Variants in SRPK1 observed in about 807,000 individuals in gnomAD.
SRPK1 encodes SRSF protein kinase 1.
Under a neutral mutation model 89.5 loss-of-function variants are expected in SRPK1, and 52 were observed. The observed-to-expected ratio is 0.58, with a 90% CI of 0.46 to 0.73. The LOEUF (loss-of-function observed/expected upper bound fraction) is 0.73. Ranked by LOEUF, SRPK1 falls within the 30% of genes least tolerant of loss-of-function variation. The probability of loss-of-function intolerance (pLI) is 0.00; values close to 1 mark genes in which losing one functional copy is unlikely to be tolerated. For synonymous variants in SRPK1, 255 were observed against 270.2 expected, an observed-to-expected ratio of 0.94 and a Z score of 0.55; for missense variants, 603 against 780.6, an observed-to-expected ratio of 0.77 and a Z score of 2.71.
At chr6:35,911,158 G>A (rs1355729029) in intron 2 of SRPK1, among the ~76,000 whole-genome samples, 1 of 152,190 alleles carries the variant, frequency 6.6e-6, no homozygotes, top group Non-Finnish European at 1.5e-5. Context: ...AAAACCTTCT[G>A]GAAAGGATTC....
Position 35,885,041 on chromosome 6 carries a change from C to T in SRPK1, c.478+1683G>A, listed in dbSNP as rs148364745. On this transcript the variant is annotated intron_variant, in intron 6 of 15. Coordinates refer to ENST00000373825, the MANE Select transcript of SRPK1 (RefSeq NM_003137.5). ...TAAGATATTTCAATAGTTAAAAAGC[C>T]TTCTTTGCTTAGTTAGGGTCAAATA... 8.2e-4 allele frequency among the ~76,000 whole-genome samples: 125 copies of T among 152,118 alleles called. 2 individuals carry two copies. The East Asian group carries it at 0.022, about 26-fold the overall frequency.
rs35051574 is a variant in SRPK1, at chr6:35,844,005, G to GTT, written c.1621-1403_1621-1402dup. Reference sequence around the variant, plus strand: ...TTTTAAAAATTAGTACACAACAGCAGTTTTTTTTTTTTTTTTTTGGATGGA... The same window carrying GTT: ...TTTTAAAAATTAGTACACAACAGCAGTTTTTTTTTTTTTTTTTTTTGGATGGA... On this transcript the variant is annotated intron_variant, in intron 13 of 15. Transcript: ENST00000373825. 3.3e-3 allele frequency among the ~76,000 whole-genome samples: 420 copies of GTT among 125,670 alleles called. 6 individuals are homozygous for GTT. Among genetic ancestry groups the GTT allele is most frequent in the African/African-American group, 5.9e-3 (197 of 33,354 alleles). The allele number at this position is 125,670 out of a possible 152,430, so 82.4% of individuals were successfully genotyped here.
chr6:35,875,703 C>T (rs967610680), intron 6 of SRPK1, among the ~76,000 whole-genome samples: 1 of 152,068 alleles, frequency 6.6e-6, no homozygotes, highest in African/African-American at 2.4e-5. Flanking sequence ...CTATAGTATA[C>T]TATTACTGAT....
At chr6:35,883,982 C>G (rs1770351958) in intron 6 of SRPK1, among the ~76,000 whole-genome samples, 1 of 152,020 alleles carries the variant, frequency 6.6e-6, no homozygotes, top group South Asian at 2.1e-4. Flanking sequence ...ATCCGCCCAC[C>G]TCGGCCTCCC....
At chr6:35,868,336 A>G (rs1038116455) in intron 12 of SRPK1, among the ~76,000 whole-genome samples, 3 of 152,228 alleles carry the variant, frequency 2.0e-5, no homozygotes, top group African/African-American at 7.2e-5. Context: ...CAAAAAACAT[A>G]TAATTATTTC....
Position 35,834,817 on chromosome 6 carries a change from C to G in SRPK1, c.*487G>C, listed in dbSNP as rs985045487. 1 of 152,286 alleles carries G rather than the reference C, an allele frequency of 6.6e-6. No homozygotes were observed. Among genetic ancestry groups the G allele is most frequent in the African/African-American group, 2.4e-5 (1 of 41,410 alleles). The allele number at this position is 152,286 out of a possible 1,614,324, so 9.4% of individuals were successfully genotyped here. A position where few individuals can be genotyped will look rare whatever the true frequency, so the allele number is the denominator to read the frequency against. On this transcript the variant is annotated 3_prime_UTR_variant, in exon 16 of 16. Coordinates refer to ENST00000373825, the MANE Select transcript of SRPK1 (RefSeq NM_003137.5). ...GAACACAGAGAACAACAGAAACAGTCCAGGAAGATGATGCAGCCCGGACAC... is the reference window on the plus strand; with the variant it reads ...GAACACAGAGAACAACAGAAACAGTGCAGGAAGATGATGCAGCCCGGACAC...
chr6:35,909,890 CTG>C (rs1358654895), intron 2 of SRPK1, among the ~76,000 whole-genome samples: 1 of 152,206 alleles, frequency 6.6e-6, no homozygotes, highest in Admixed American at 6.5e-5. Flanking sequence ...GCCTGTGGAA[CTG>C]TGAGTCAATT....
At chr6:35,912,381 C>T (rs140932802) in intron 2 of SRPK1, among the ~76,000 whole-genome samples, 1 of 152,088 alleles carries the variant, frequency 6.6e-6, no homozygotes, top group East Asian at 1.9e-4. Flanking sequence ...TGAGGCAAGA[C>T]CTTATACCAG....
chr6:35,874,217 G>A lies in SRPK1; in HGVS notation c.585+16C>T. The stretch of plus-strand genomic sequence containing the variant: ...CATAGTCAAGACTAAGATACTTGCT[G>A]ATTCAAGATACATACTTGCTGAATA... On this transcript the variant is annotated intron_variant, in intron 7 of 15. Coordinates refer to ENST00000373825, the MANE Select transcript of SRPK1 (RefSeq NM_003137.5). 1.9e-6 allele frequency: 3 copies of A among 1,555,768 alleles called. No individual in the cohort carries two copies. Among genetic ancestry groups the A allele is most frequent in the Non-Finnish European group, 2.7e-6 (3 of 1,131,806 alleles).
chr6:35,878,109 A>G (rs1770194985), intron 6 of SRPK1, among the ~76,000 whole-genome samples: 2 of 152,234 alleles, frequency 1.3e-5, no homozygotes, highest in Non-Finnish European at 1.5e-5. Context: ...AGGAGGTGAA[A>G]GTATGTGCTT....
At chr6:35,856,560 C>T (rs974032536) in intron 13 of SRPK1, among the ~76,000 whole-genome samples, 56 of 152,036 alleles carry the variant, frequency 3.7e-4, no homozygotes, top group African/African-American at 1.4e-3. Flanking sequence ...AAGCAATCAC[C>T]CAAAATGTGT....
chr6:35,903,586 A>G (rs999502609), intron 2 of SRPK1, among the ~76,000 whole-genome samples: 2 of 152,074 alleles, frequency 1.3e-5, no homozygotes, highest in African/African-American at 4.8e-5. Flanking sequence ...CCTCTATGAC[A>G]CTCAGATCAT....
At chr6:35,908,104 G>A (rs970625661) in intron 2 of SRPK1, among the ~76,000 whole-genome samples, 5 of 152,062 alleles carry the variant, frequency 3.3e-5, no homozygotes, top group African/African-American at 1.2e-4. Context: ...TTATATACCC[G>A]GTCTCAGGTA....
chr6:35,920,284 G>C (rs1323255648), intron 2 of SRPK1, 184 bp downstream of exon 2: 2 of 691,316 alleles, frequency 2.9e-6, no homozygotes, highest in Non-Finnish European at 5.3e-6. Context: ...ACCCAGGCCT[G>C]GCGTTGAGCA....
chr6:35,868,753 T>C (rs1255095768), intron 12 of SRPK1, among the ~76,000 whole-genome samples: 1 of 152,106 alleles, frequency 6.6e-6, no homozygotes, highest in African/African-American at 2.4e-5. Context: ...GGAGTTGACA[T>C]TACTGAATCT....
chr6:35,844,499 T>C (rs1490746147), intron 13 of SRPK1, among the ~76,000 whole-genome samples: 1 of 152,158 alleles, frequency 6.6e-6, no homozygotes, highest in Non-Finnish European at 1.5e-5. Flanking sequence ...CCAGTGTCAG[T>C]TTCTGCAGTT....
chr6:35,877,751 G>A (rs377043296), intron 6 of SRPK1, among the ~76,000 whole-genome samples: 1 of 151,756 alleles, frequency 6.6e-6, no homozygotes, highest in Non-Finnish European at 1.5e-5. Flanking sequence ...GCTAAGGCAG[G>A]AGAATCACTT....
At chr6:35,898,398 G>C (rs1770667432) in intron 2 of SRPK1, among the ~76,000 whole-genome samples, 1 of 152,132 alleles carries the variant, frequency 6.6e-6, no homozygotes, top group African/African-American at 2.4e-5. Context: ...GGGGGTTAGG[G>C]ATAAAAGACT....
At chr6:35,880,617 G>A (rs1441448588) in intron 6 of SRPK1, among the ~76,000 whole-genome samples, 1 of 149,814 alleles carries the variant, frequency 6.7e-6, no homozygotes, top group African/African-American at 2.5e-5. Context: ...ACCTACTTGG[G>A]AGGCTGAGGC....
Sources: gnomAD v4.1 joint callset for allele counts (sites outside exome capture counted in the v4.1 genomes callset) on GRCh38, gnomAD v4.1.1 for gene constraint, MANE v1.5 for transcripts, NCBI Gene and HGNC (gene_info 2026-07-23, HGNC 2026-07-21) for gene names.